The following ERICH6 variants were observed in gnomAD, a reference collection of about 807,000 sequenced individuals.
ERICH6 encodes the protein glutamate rich 6, also known as glutamate-rich protein 6.
ERICH6 carries 71 observed loss-of-function variants against 71.0 expected under a neutral mutation model. The observed-to-expected ratio is 1.00, with a 90% CI of 0.83 to 1.22. The LOEUF (loss-of-function observed/expected upper bound fraction) is 1.22. Among genes scored for constraint, ERICH6 ranks in the 50% most tolerant of loss-of-function variants. ERICH6 has a pLI of 0.00. For missense variants in ERICH6, 808 were observed against 797.2 expected (o/e 1.01, Z -0.16); for synonymous variants, 262 against 278.4 (o/e 0.94, Z 0.59).
chr3:150,677,544 TG>T (rs1458231969), intron 10 of ERICH6, among the ~76,000 whole-genome samples: 1 of 152,022 alleles, frequency 6.6e-6, no homozygotes, highest in Non-Finnish European at 1.5e-5. Context: ...TCACCCAGGC[TG>T]GAGTGCAGTG....
intron 11 of ERICH6, among the ~76,000 whole-genome samples, chr3:150,670,868 T>C (rs183476564): frequency 2.8e-3 from 433 of 152,324 alleles, no homozygotes; most frequent in Middle Eastern, 3.4e-3. Context: ...AACACAAGAT[T>C]GATTCTAAAT....
chr3:150,678,636 C>A, intron 9 of ERICH6, 82 bp from the exon 10 acceptor site: 2 of 1,190,702 alleles, frequency 1.7e-6, no homozygotes, highest in South Asian at 1.6e-5. Flanking sequence ...ATTTCAAACC[C>A]CAATATAAAT....
In ERICH6 at chr3:150,682,214, T is replaced by G; in HGVS notation, c.882+4A>C. The G allele has an allele frequency of 6.2e-7, 1 of 1,611,380 alleles. No homozygotes were observed. The highest frequency in any genetic ancestry group is 8.5e-7 in the Non-Finnish European group (1 of 1,177,910). ...TTCCACAGTAAACCTGACTTAGAAC[T>G]TACATGCCCTTTTGGTTCAGAGGAA... On this transcript the variant is annotated splice_donor_region_variant and intron_variant, in intron 7 of 13. Coordinates refer to ENST00000295910, the MANE Select transcript of ERICH6 (RefSeq NM_152394.5).
chr3:150,687,306 A>C (rs569409924), intron 3 of ERICH6, among the ~76,000 whole-genome samples: 1 of 152,346 alleles, frequency 6.6e-6, no homozygotes, highest in East Asian at 1.9e-4. Context: ...AATATCATGC[A>C]ATTTACGACT....
chr3:150,673,956 A>G lies in ERICH6; in HGVS notation c.1343T>C (p.Phe448Ser), dbSNP rs776530429. Residue 448 changes from phenylalanine (F) to serine (S), a missense_variant and splice_region_variant, in exon 11 of 14, where the codon TTC (phenylalanine) becomes TCC (serine). Around this residue, in one of 3 missense-constraint regions of ERICH6, gnomAD observed 736 missense variants for 712.2 expected, o/e 1.03. Coordinates refer to ENST00000295910, the MANE Select transcript of ERICH6 (RefSeq NM_152394.5). ...AAAATAACTTGTTGAAAGAGGATAC[A>G]ATATTTGTGTTGTCCCATCTGGAAA... The part of the protein sequence containing the change: ...TSFPDGTTQI[F>S]YPSGNLAIIR... The G allele has an allele frequency of 8.7e-6, 14 of 1,613,148 alleles. No individual in the cohort carries two copies. In the Admixed American group the frequency reaches 1.8e-4, roughly 21 times the overall value.
chr3:150,678,912 G>A (rs1174300503), intron 9 of ERICH6, among the ~76,000 whole-genome samples: 1 of 151,758 alleles, frequency 6.6e-6, no homozygotes, highest in Non-Finnish European at 1.5e-5. Context: ...GTGGTGGCGT[G>A]TGCCTGTAAT....
intron 7 of ERICH6, 86 bp downstream of exon 7, chr3:150,682,132 G>T: frequency 1.7e-6 from 2 of 1,160,280 alleles, no homozygotes; most frequent in Non-Finnish European, 2.5e-6. Context: ...TTTAAAAATG[G>T]CAATGCAGGG....
At chr3:150,676,393 C>T (rs755999953) in intron 10 of ERICH6, among the ~76,000 whole-genome samples, 5 of 152,048 alleles carry the variant, frequency 3.3e-5, no homozygotes, top group Non-Finnish European at 5.9e-5. Flanking sequence ...TTCATGATCA[C>T]GGTTAGACTT....
intron 4 of ERICH6, 63 bp downstream of exon 4, chr3:150,686,235 G>A (rs1383108360): frequency 1.3e-6 from 2 of 1,553,448 alleles, no homozygotes; most frequent in Admixed American, 1.7e-5. Flanking sequence ...GCGAGTTAAG[G>A]TGATTCCCTT....
At chr3:150,664,396 C>G (rs1371894994) in intron 13 of ERICH6, among the ~76,000 whole-genome samples, 4 of 151,942 alleles carry the variant, frequency 2.6e-5, no homozygotes, top group African/African-American at 4.8e-5. Flanking sequence ...CGCCTATAAT[C>G]TCGGCATTTT....
intron 9 of ERICH6, among the ~76,000 whole-genome samples, chr3:150,679,014 T>C (rs1030347628): frequency 1.6e-4 from 20 of 125,046 alleles, no homozygotes; most frequent in African/African-American, 6.4e-4. Context: ...ACAGCCTGGG[T>C]GACAGAGCAA....
intron 3 of ERICH6, among the ~76,000 whole-genome samples, chr3:150,696,742 C>T (rs544683506): frequency 2.0e-5 from 3 of 152,146 alleles, no homozygotes; most frequent in East Asian, 3.9e-4. Flanking sequence ...TAATCATTTC[C>T]ACCTAACAGA....
rs1346924191 is a variant in ERICH6 at position 150,669,459 on chromosome 3, C to G, written c.1344-8G>C. ...AGGTTTCCAGATGGATAGCTGAGATCAGATAAGGTCATATAAATTGTTCTA... is the reference window on the plus strand; with the variant it reads ...AGGTTTCCAGATGGATAGCTGAGATGAGATAAGGTCATATAAATTGTTCTA... On this transcript the variant is annotated splice_region_variant and splice_polypyrimidine_tract_variant and intron_variant, in intron 11 of 13. Coordinates refer to ENST00000295910, the MANE Select transcript of ERICH6 (RefSeq NM_152394.5). The G allele has an allele frequency of 6.2e-7, 1 of 1,611,214 alleles. No individual in the cohort carries two copies. Among genetic ancestry groups the G allele is most frequent in the Non-Finnish European group, 8.5e-7 (1 of 1,179,224 alleles).
At chr3:150,703,424 C>G (rs1713015300) in intron 1 of ERICH6, 72 bp downstream of exon 1, 1 of 1,477,028 alleles carries the variant, frequency 6.8e-7, no homozygotes, top group African/African-American at 1.4e-5. Context: ...AAGGCACCAC[C>G]CAGGAGTGGG....
intron 12 of ERICH6, 73 bp downstream of exon 12, chr3:150,669,223 A>C (rs558986593): frequency 6.9e-6 from 10 of 1,453,510 alleles, no homozygotes; most frequent in Non-Finnish European, 9.2e-6. Context: ...CATTCTTATC[A>C]TTTAAAAAGA....
Position 150,674,055 on chromosome 3 carries a change from A to C in ERICH6, c.1258-14T>G. 6.2e-7 allele frequency: 1 copy of C among 1,607,522 alleles called. No homozygotes were observed. Among genetic ancestry groups the C allele is most frequent in the Non-Finnish European group, 8.5e-7 (1 of 1,175,922 alleles). On this transcript the variant is annotated splice_polypyrimidine_tract_variant and intron_variant, in intron 10 of 13. Coordinates refer to ENST00000295910, the MANE Select transcript of ERICH6 (RefSeq NM_152394.5). ...ATTCCTGACAACCTATACACCACAG[A>C]AAAGAAAAGACACTTAATTGTTTCG...
At chr3:150,662,217 AG>A (rs1727250218) in intron 13 of ERICH6, among the ~76,000 whole-genome samples, 1 of 152,244 alleles carries the variant, frequency 6.6e-6, no homozygotes, top group Non-Finnish European at 1.5e-5. Context: ...CGAATGAGTG[AG>A]GGGAAAGAAT....
chr3:150,676,938 A>T (rs1173356604), intron 10 of ERICH6, among the ~76,000 whole-genome samples: 4 of 151,606 alleles, frequency 2.6e-5, no homozygotes, highest in Admixed American at 2.6e-4. Context: ...TCAGCCTCCC[A>T]AGTAGCTGGG....
chr3:150,672,620 ATTTTTC>A (rs1711515793), intron 11 of ERICH6, among the ~76,000 whole-genome samples: 1 of 148,004 alleles, frequency 6.8e-6, no homozygotes, highest in Non-Finnish European at 1.5e-5. Context: ...AAAACCATAT[ATTTTTC>A]TTTTTCTTTT....
Sources: gnomAD v4.1 joint callset for allele counts (sites outside exome capture counted in the v4.1 genomes callset) on GRCh38, gnomAD v4.1.1 for gene constraint, gnomAD v4.1.1 regional missense constraint, MANE v1.5 for transcripts, NCBI Gene and HGNC (gene_info 2026-07-23, HGNC 2026-07-21) for gene names.